The following NTN1 variants were observed in gnomAD, a reference collection of about 807,000 sequenced individuals.
The protein encoded by NTN1 is netrin 1.
In NTN1, 11 loss-of-function variants were observed where a neutral mutation model predicts 54.2. The observed-to-expected ratio is 0.20, with a 90% CI of 0.13 to 0.34. The LOEUF (loss-of-function observed/expected upper bound fraction) is 0.34, where lower values mean the gene tolerates loss of function less well. Among genes scored for constraint, NTN1 ranks in the 10% least tolerant of loss-of-function variants. The pLI is 1.00. For synonymous variants in NTN1, 371 were observed against 382.0 expected (o/e 0.97, Z 0.33); for missense variants, 740 against 893.1 (o/e 0.83, Z 2.18).
chr17:9,225,740 G>A (rs1414367701), intron 6 of NTN1, among the ~76,000 whole-genome samples: 1 of 152,204 alleles, frequency 6.6e-6, no homozygotes, highest in African/African-American at 2.4e-5. Context: ...GCCGGGCAGG[G>A]GCTCCCTCGG....
intron 5 of NTN1, 57 bp downstream of exon 5, chr17:9,183,026 G>T: frequency 6.3e-7 from 1 of 1,575,686 alleles, no homozygotes. Flanking sequence ...GGGGTGGTGG[G>T]GTGGGTTAAT....
chr17:9,089,747 A>G (rs1341804460), intron 2 of NTN1, among the ~76,000 whole-genome samples: 1 of 152,148 alleles, frequency 6.6e-6, no homozygotes, highest in Admixed American at 6.5e-5. Flanking sequence ...ACTGGAGACA[A>G]AGCTTTTCGT....
intron 5 of NTN1, among the ~76,000 whole-genome samples, chr17:9,188,481 AAAT>A (rs1320088159): frequency 6.0e-5 from 1 of 16,550 alleles, no homozygotes; most frequent in Non-Finnish European, 1.1e-4. Context: ...CACAATTAAA[AAAT>A]AAAAACAAAA....
chr17:9,054,004 G>A (rs1003979720), intron 2 of NTN1, among the ~76,000 whole-genome samples: 3 of 152,190 alleles, frequency 2.0e-5, no homozygotes, highest in African/African-American at 7.2e-5. Context: ...CAGGGACTGG[G>A]TGGTCTCACG....
intron 2 of NTN1, among the ~76,000 whole-genome samples, chr17:9,133,729 A>G (rs1233008479): frequency 6.2e-5 from 9 of 146,048 alleles, no homozygotes; most frequent in African/African-American, 2.3e-4. Context: ...CTGAGATTAC[A>G]GGTGCGCACC....
At chr17:9,075,600 A>C (rs2092046720) in intron 2 of NTN1, among the ~76,000 whole-genome samples, 1 of 152,248 alleles carries the variant, frequency 6.6e-6, no homozygotes, top group Non-Finnish European at 1.5e-5. Flanking sequence ...GGTGTGTCAC[A>C]GGAATGAAAG....
intron 2 of NTN1, among the ~76,000 whole-genome samples, chr17:9,028,271 G>T (rs1428612252): frequency 6.6e-6 from 1 of 152,216 alleles, no homozygotes; most frequent in Non-Finnish European, 1.5e-5. Context: ...CCGGCCACTG[G>T]TGTGGTGCCG....
Position 9,023,192 on chromosome 17 carries a change from C to A in NTN1, c.819C>A (p.Phe273Leu). Reference sequence around the variant, plus strand: ...CGGAGCTGGCGCGCGACTCGTACTTCTACGCGGTGTCCGACCTGCAGGTGG... The same window carrying A: ...CGGAGCTGGCGCGCGACTCGTACTTATACGCGGTGTCCGACCTGCAGGTGG... ...DDSELARDSYFYAVSDLQVGG... is the reference protein window; with the variant it reads ...DDSELARDSYLYAVSDLQVGG... The change falls in exon 2 of 7, where the codon TTC becomes TTA. Residue 273 changes from phenylalanine to leucine, a missense_variant. Transcript: ENST00000173229. The A allele has an allele frequency of 1.3e-6, 2 of 1,563,832 alleles. No individual in the cohort carries two copies. The highest frequency in any genetic ancestry group is 8.7e-7 in the Non-Finnish European group (1 of 1,151,882).
Position 9,096,814 on chromosome 17 carries a change from C to T in NTN1, c.1019-65999C>T, listed in dbSNP as rs921213939. Reference sequence around the variant, plus strand: ...AATAGCAGGCGTCTTTGTCTTAATTCTGACTTAAATGGGAATGTCTTTAGT... The same window carrying T: ...AATAGCAGGCGTCTTTGTCTTAATTTTGACTTAAATGGGAATGTCTTTAGT... On this transcript the variant is annotated intron_variant, in intron 2 of 6. Transcript: ENST00000173229. 4.6e-5 allele frequency among the ~76,000 whole-genome samples: 7 copies of T among 152,288 alleles called. No homozygotes were observed. In the South Asian group the frequency reaches 8.3e-4, roughly 18 times the overall value.
intron 3 of NTN1, 134 bp downstream of exon 3, chr17:9,163,135 T>TTC (rs1175434549): frequency 1.6e-5 from 12 of 744,432 alleles, no homozygotes; most frequent in African/African-American, 3.8e-5. Context: ...CTCTCTCTCT[T>TTC]TCTCTCTCTG....
chr17:9,128,499 A>G (rs1231355855), intron 2 of NTN1, among the ~76,000 whole-genome samples: 1 of 152,134 alleles, frequency 6.6e-6, no homozygotes, highest in Non-Finnish European at 1.5e-5. Context: ...TGCTTGGCCC[A>G]TGCACTTCTC....
chr17:9,062,898 A>T (rs529834428), intron 2 of NTN1, among the ~76,000 whole-genome samples: 1 of 152,160 alleles, frequency 6.6e-6, no homozygotes, highest in Non-Finnish European at 1.5e-5. Context: ...TAATAATAAT[A>T]CAGGATTGTG....
At chr17:9,091,324 G>T (rs985294363) in intron 2 of NTN1, among the ~76,000 whole-genome samples, 1 of 152,106 alleles carries the variant, frequency 6.6e-6, no homozygotes, top group Admixed American at 6.6e-5. Context: ...TAGGATCATA[G>T]CTCACTGCAG....
chr17:9,114,856 G>C (rs1327997035), intron 2 of NTN1, among the ~76,000 whole-genome samples: 1 of 152,166 alleles, frequency 6.6e-6, no homozygotes, highest in Non-Finnish European at 1.5e-5. Flanking sequence ...CATAGCTCCT[G>C]GTTTCTACTG....
At chr17:9,004,010 A>T in the NTN1 span, among the ~76,000 whole-genome samples, 1 of 152,122 alleles carries the variant, frequency 6.6e-6, no homozygotes, top group African/African-American at 2.4e-5. Flanking sequence ...GTCGGGCGAG[A>T]GCTGGACCCA....
chr17:9,041,981 C>T (rs1285134402), intron 2 of NTN1, among the ~76,000 whole-genome samples: 2 of 151,122 alleles, frequency 1.3e-5, no homozygotes, highest in African/African-American at 4.9e-5. Flanking sequence ...TGCACTCCAG[C>T]CTGGGCGACA....
Position 9,066,400 on chromosome 17 carries a change from G to T in NTN1, c.1018+43009G>T, listed in dbSNP as rs144760329. Among the ~76,000 whole-genome samples, 1,000 of 152,038 alleles carry T rather than the reference G, an allele frequency of 6.6e-3. 5 individuals carry two copies. The highest frequency in any genetic ancestry group is 0.011 in the Non-Finnish European group (732 of 67,950). ...TCCCAGCACTTTGGGAGGCTGAGGT[G>T]GGCGGATCACAAGGTCAGGAGTCTG... is the stretch of plus-strand genomic sequence containing the variant. On this transcript the variant is annotated intron_variant, in intron 2 of 6. Transcript: ENST00000173229.
At chr17:9,057,950 C>T (rs544629810) in intron 2 of NTN1, among the ~76,000 whole-genome samples, 3 of 152,300 alleles carry the variant, frequency 2.0e-5, no homozygotes, top group Non-Finnish European at 2.9e-5. Context: ...TGCAGTGGCA[C>T]GATCTCAGCT....
Position 9,240,038 on chromosome 17 carries a change from C to G in NTN1, c.*70C>G, listed in dbSNP as rs969763725. Reference sequence around the variant, plus strand: ...CCGAGCGAGAGCGGGCGCCTTGGCCCGGCCGCCGCGGACTTGGCCCGCGAG... The same window carrying G: ...CCGAGCGAGAGCGGGCGCCTTGGCCGGGCCGCCGCGGACTTGGCCCGCGAG... On this transcript the variant is annotated 3_prime_UTR_variant, in exon 7 of 7. Transcript: ENST00000173229. 6 of 937,642 alleles carry G rather than the reference C, an allele frequency of 6.4e-6. No homozygotes were observed. The highest frequency in any genetic ancestry group is 5.2e-5 in the East Asian group (1 of 19,312). The allele number at this position is 937,642 out of a possible 1,614,324, so 58.1% of individuals were successfully genotyped here.
Sources: gnomAD v4.1 joint callset for allele counts (sites outside exome capture counted in the v4.1 genomes callset) on GRCh38, gnomAD v4.1.1 for gene constraint, MANE v1.5 for transcripts, NCBI Gene and HGNC (gene_info 2026-07-23, HGNC 2026-07-21) for gene names.